Variants in KLHL1 observed in about 807,000 individuals in gnomAD.
The protein encoded by KLHL1 is kelch-like protein 1.
In KLHL1, 47 loss-of-function variants were observed where a neutral mutation model predicts 77.7. That is an observed-to-expected ratio of 0.60 (90% CI 0.48 to 0.77). The LOEUF is 0.77. Ranked by LOEUF, KLHL1 falls within the 30% of genes least tolerant of loss-of-function variation. The probability of loss-of-function intolerance (pLI) is 0.00; values close to 1 mark genes in which losing one functional copy is unlikely to be tolerated. For missense variants in KLHL1, 925 were observed against 910.8 expected (o/e 1.02, Z -0.20); for synonymous variants, 360 against 325.2 (o/e 1.11, Z -1.15).
intron 1 of KLHL1, among the ~76,000 whole-genome samples, chr13:69,978,862 T>C (rs867183324): frequency 7.9e-5 from 12 of 152,256 alleles, no homozygotes; most frequent in African/African-American, 2.6e-4. Flanking sequence ...ATTTACTTTG[T>C]CTTTAGTTGT....
chr13:69,838,880 G>T, intron 6 of KLHL1, 96 bp downstream of exon 6: 1 of 718,328 alleles, frequency 1.4e-6, no homozygotes, highest in Non-Finnish European at 2.1e-6. Context: ...TTAAAGCTGA[G>T]TTTATGTCAT....
At chr13:69,833,172 C>T (rs1878830576) in intron 6 of KLHL1, among the ~76,000 whole-genome samples, 1 of 152,064 alleles carries the variant, frequency 6.6e-6, no homozygotes, top group Non-Finnish European at 1.5e-5. Context: ...AACAGACAAC[C>T]CACAGAGTGG....
At chr13:69,968,294 C>T (rs553193249) in intron 2 of KLHL1, among the ~76,000 whole-genome samples, 65 of 151,852 alleles carry the variant, frequency 4.3e-4, no homozygotes, top group African/African-American at 1.5e-3. Flanking sequence ...TGCTACTGCA[C>T]ACTTATTAGA....
chr13:70,098,036 C>G, intron 1 of KLHL1, among the ~76,000 whole-genome samples: 1 of 151,792 alleles, frequency 6.6e-6, no homozygotes, highest in East Asian at 1.9e-4. Context: ...ATATTAAAGC[C>G]TAGATAAAGC....
intron 1 of KLHL1, among the ~76,000 whole-genome samples, chr13:69,979,282 T>G (rs1884639989): frequency 6.6e-6 from 1 of 152,096 alleles, no homozygotes; most frequent in Admixed American, 6.6e-5. Flanking sequence ...TCAAGGTCAT[T>G]AATCTTTCAG....
rs1252172099 is a variant in KLHL1 at position 69,882,309 on chromosome 13, T to C, written c.1201A>G (p.Ile401Val). The C allele has an allele frequency of 3.1e-6, 5 of 1,613,774 alleles. No homozygotes were observed. The South Asian group carries it at 3.3e-5, about 11-fold the overall frequency. ...CNDLSMLLAF[I>V]RLPLLPPQIL... ...TGTGGTGGAAGCAGTGGCAGTCTTA[T>C]AAAGGCAAGAAGCATGCTCAGGTCA... Residue 401 changes from isoleucine to valine, a missense_variant, in exon 5 of 11, where the codon ATA (isoleucine) becomes GTA (valine). Coordinates refer to ENST00000377844, the MANE Select transcript of KLHL1 (RefSeq NM_020866.3).
chr13:69,980,087 G>A (rs552888020), intron 1 of KLHL1, among the ~76,000 whole-genome samples: 2 of 152,254 alleles, frequency 1.3e-5, no homozygotes, highest in South Asian at 2.1e-4. Flanking sequence ...TGACCAACAT[G>A]CTTTACTGTT....
At chr13:69,799,611 A>G (rs1223294597) in intron 6 of KLHL1, among the ~76,000 whole-genome samples, 1 of 152,218 alleles carries the variant, frequency 6.6e-6, no homozygotes, top group East Asian at 1.9e-4. Flanking sequence ...GCTACTGTTA[A>G]GAATATTTCC....
chr13:69,850,418 C>T (rs906709970), intron 5 of KLHL1, among the ~76,000 whole-genome samples: 1 of 151,466 alleles, frequency 6.6e-6, no homozygotes, highest in Non-Finnish European at 1.5e-5. Flanking sequence ...TTCTTTATCT[C>T]TTTGGTCAAC....
chr13:69,890,390 T>C (rs1881381933), intron 4 of KLHL1, among the ~76,000 whole-genome samples: 1 of 151,998 alleles, frequency 6.6e-6, no homozygotes, highest in African/African-American at 2.4e-5. Flanking sequence ...TTCTTTGAAA[T>C]CACTTAATTT....
chr13:69,753,310 G>T (rs1874567415), intron 7 of KLHL1, among the ~76,000 whole-genome samples: 1 of 152,120 alleles, frequency 6.6e-6, no homozygotes, highest in Admixed American at 6.6e-5. Context: ...ATAACCAATT[G>T]AAGTAAAAAT....
chr13:69,745,209 A>T (rs1874155738), intron 7 of KLHL1, among the ~76,000 whole-genome samples: 1 of 152,030 alleles, frequency 6.6e-6, no homozygotes, highest in Non-Finnish European at 1.5e-5. Context: ...GATGACTGGT[A>T]AAACTAAGCA....
intron 4 of KLHL1, chr13:69,895,009 T>C (rs904554174): frequency 2.6e-5 from 13 of 507,476 alleles, no homozygotes; most frequent in African/African-American, 2.3e-4. Flanking sequence ...CACGGTGGTA[T>C]GATTGTCATC....
chr13:69,953,353 A>T (rs1235812507), intron 3 of KLHL1, among the ~76,000 whole-genome samples: 6 of 151,248 alleles, frequency 4.0e-5, no homozygotes, highest in African/African-American at 1.5e-4. Context: ...ATGGAAGGTC[A>T]TGCTTTTCAC....
chr13:69,830,156 G>A (rs371259644), intron 6 of KLHL1, among the ~76,000 whole-genome samples: 43 of 149,636 alleles, frequency 2.9e-4, no homozygotes, highest in Middle Eastern at 3.5e-3. Flanking sequence ...TAAAAAATAC[G>A]GAATGGATAA....
chr13:69,966,548 A>T (rs1884216264), intron 2 of KLHL1, among the ~76,000 whole-genome samples: 1 of 152,200 alleles, frequency 6.6e-6, no homozygotes, highest in African/African-American at 2.4e-5. Flanking sequence ...CAGCTCATTA[A>T]GAAATAATTT....
intron 1 of KLHL1, among the ~76,000 whole-genome samples, chr13:70,059,963 C>T (rs2137403427): frequency 6.6e-6 from 1 of 152,124 alleles, no homozygotes; most frequent in East Asian, 1.9e-4. Flanking sequence ...GCCCCTCCTC[C>T]AATATTGGGA....
intron 1 of KLHL1, among the ~76,000 whole-genome samples, chr13:69,993,905 T>A (rs1218243513): frequency 2.0e-5 from 3 of 151,976 alleles, no homozygotes; most frequent in Non-Finnish European, 4.4e-5. Context: ...AATATAGAGA[T>A]CACATTTATT....
chr13:70,107,147 G>A lies in KLHL1; in HGVS notation c.497+56C>T, dbSNP rs547881824. The A allele has an allele frequency of 1.6e-5, 24 of 1,531,586 alleles. 1 individual carries two copies. In the South Asian group the frequency reaches 2.3e-4, roughly 15 times the overall value. The allele number at this position is 1,531,586 out of a possible 1,614,324, so 94.9% of individuals were successfully genotyped here. ...ACTTAGTAGCCACATGAGCACACGC[G>A]GTGAAATGAGTGGAAATTGAGAGAT... On this transcript the variant is annotated intron_variant, in intron 1 of 10. Coordinates refer to ENST00000377844, the MANE Select transcript of KLHL1 (RefSeq NM_020866.3).
Sources: gnomAD v4.1 joint callset for allele counts (sites outside exome capture counted in the v4.1 genomes callset) on GRCh38, gnomAD v4.1.1 for gene constraint, MANE v1.5 for transcripts, NCBI Gene and HGNC (gene_info 2026-07-23, HGNC 2026-07-21) for gene names.